Variants in BPTF observed in about 807,000 individuals in gnomAD.
The protein encoded by BPTF is nucleosome-remodeling factor subunit BPTF.
Under a neutral mutation model 292.5 loss-of-function variants are expected in BPTF, and 18 were observed. The observed-to-expected ratio is 0.06, with a 90% CI of 0.04 to 0.09. The LOEUF (loss-of-function observed/expected upper bound fraction) is 0.09. Ranked by LOEUF, BPTF falls within the 10% of genes least tolerant of loss-of-function variation. The probability of loss-of-function intolerance (pLI) is 1.00; values close to 1 mark genes in which losing one functional copy is unlikely to be tolerated. For synonymous variants in BPTF, 1,225 were observed against 1,251.9 expected (o/e 0.98, Z 0.45); for missense variants, 2,726 against 3,498.7 (o/e 0.78, Z 5.57).
intron 26 of BPTF, among the ~76,000 whole-genome samples, chr17:67,973,463 ATTT>A (rs1363210098): frequency 6.6e-6 from 1 of 150,950 alleles, no homozygotes. Context: ...ATGAGAGAGA[ATTT>A]TTTTTTCCAG....
rs552485995 is a variant in BPTF, at chr17:67,945,388, GT to G, written c.6701-19del. Reference sequence around the variant, plus strand: ...TTTATGTTCCAGAGTAATAGAAATGGTTCATCTTTCCTTTTTACAGGTACAG... The same window carrying G: ...TTTATGTTCCAGAGTAATAGAAATGGTCATCTTTCCTTTTTACAGGTACAG... On this transcript the variant is annotated intron_variant, in intron 20 of 27. Transcript: ENST00000306378. 860 of 1,591,938 alleles carry G rather than the reference GT, an allele frequency of 5.4e-4. 4 individuals carry two copies. The highest frequency in any genetic ancestry group is 2.8e-3 in the Admixed American group (157 of 56,738).
intron 18 of BPTF, among the ~76,000 whole-genome samples, chr17:67,937,391 A>G (rs2065000308): frequency 6.6e-6 from 1 of 152,084 alleles, no homozygotes; most frequent in Admixed American, 6.5e-5. Context: ...CAAAAAAAAA[A>G]AAGAAAGAAA....
chr17:67,879,461 A>G (rs191195844), intron 4 of BPTF, among the ~76,000 whole-genome samples: 80 of 152,198 alleles, frequency 5.3e-4, no homozygotes, highest in Middle Eastern at 3.4e-3. Context: ...TATTTCTTAA[A>G]TGTTTGCTGG....
intron 3 of BPTF, among the ~76,000 whole-genome samples, chr17:67,871,329 C>CT (rs1170119279): frequency 6.6e-6 from 1 of 151,048 alleles, no homozygotes; most frequent in Non-Finnish European, 1.5e-5. Flanking sequence ...GCAATCCTAG[C>CT]TACTCGGGAA....
At chr17:67,978,412 C>T (rs1306229409) in intron 27 of BPTF, among the ~76,000 whole-genome samples, 2 of 151,800 alleles carry the variant, frequency 1.3e-5, no homozygotes, top group African/African-American at 2.4e-5. Flanking sequence ...AATTCTGCTG[C>T]CTCAGCCTCC....
At chr17:67,924,739 A>G (rs1598699468) in intron 15 of BPTF, 150 bp downstream of exon 15, 1 of 775,388 alleles carries the variant, frequency 1.3e-6, no homozygotes, top group East Asian at 2.6e-5. Context: ...ATGCACACCC[A>G]TGCACAGTAA....
At chr17:67,849,365 G>C (rs2058244651) in intron 1 of BPTF, among the ~76,000 whole-genome samples, 1 of 152,150 alleles carries the variant, frequency 6.6e-6, no homozygotes, top group Non-Finnish European at 1.5e-5. Flanking sequence ...TAATTTAGTA[G>C]GCCTGGGCTT....
intron 2 of BPTF, among the ~76,000 whole-genome samples, chr17:67,856,182 TG>T (rs2058680423): frequency 6.6e-6 from 1 of 152,234 alleles, no homozygotes; most frequent in Admixed American, 6.5e-5. Context: ...TTTTTCTCTT[TG>T]GGGTATTTGT....
At chr17:67,871,392 G>C (rs894055602) in intron 3 of BPTF, among the ~76,000 whole-genome samples, 12 of 136,034 alleles carry the variant, frequency 8.8e-5, no homozygotes, top group Admixed American at 3.3e-4. Context: ...AGTGAGCCGA[G>C]ATCGTGCCAC....
At chr17:67,913,268 A>G in intron 11 of BPTF, 81 bp downstream of exon 11, 1 of 1,471,890 alleles carries the variant, frequency 6.8e-7, no homozygotes, top group East Asian at 2.3e-5. Flanking sequence ...TTTTTAAAAA[A>G]TGAGATAATA....
rs782703184 is a variant in BPTF at position 67,975,779 on chromosome 17, C to T, written c.8547C>T (p.Ala2849=). 6.2e-7 allele frequency: 1 copy of T among 1,608,552 alleles called. No individual in the cohort carries two copies. The highest frequency in any genetic ancestry group is 8.5e-7 in the Non-Finnish European group (1 of 1,178,434). The part of the protein sequence containing the change: ...YGVIKEPMDL[A]TMEERVQRRY... ...ACATTTTGTGTTTTTAAGACCTTGCCACCATGGAAGAAAGAGTACAAAGAC... is the reference window on the plus strand; with the variant it reads ...ACATTTTGTGTTTTTAAGACCTTGCTACCATGGAAGAAAGAGTACAAAGAC... The change falls in exon 27 of 28, where the codon GCC becomes GCT. Residue 2849 remains alanine (A), a synonymous_variant. Transcript: ENST00000306378.
In BPTF at chr17:67,912,712, A is replaced by G; in HGVS notation, c.4828A>G (p.Lys1610Glu). Residue 1610 changes from lysine to glutamate, a missense_variant, in exon 11 of 28, where the codon AAG (lysine) becomes GAG (glutamate). By Grantham distance (56) the Lys-to-Glu change is moderately conservative. Coordinates refer to ENST00000306378, the MANE Select transcript of BPTF (RefSeq NM_182641.4). ...TGTGATCAAGGTAGAAAAAGGCGATAAGCAAACTGTGGTTTCTTCCACAGA... is the reference window on the plus strand; with the variant it reads ...TGTGATCAAGGTAGAAAAAGGCGATGAGCAAACTGTGGTTTCTTCCACAGA... Reference protein sequence around the residue: ...KTVIKVEKGDKQTVVSSTENC... With the variant: ...KTVIKVEKGDEQTVVSSTENC... 6.2e-7 allele frequency: 1 copy of G among 1,614,052 alleles called. No homozygotes were observed. The highest frequency in any genetic ancestry group is 8.5e-7 in the Non-Finnish European group (1 of 1,180,036).
chr17:67,869,129 T>G (rs1209507881), intron 3 of BPTF, among the ~76,000 whole-genome samples: 1 of 152,178 alleles, frequency 6.6e-6, no homozygotes, highest in Non-Finnish European at 1.5e-5. Flanking sequence ...TTAATTTCCT[T>G]TTATGAATCA....
rs1482120013 is a variant in BPTF at position 67,938,143 on chromosome 17, T to G, written c.6260-2296T>G. ...GTCAGAAATTATTACATTTTTGAAT[T>G]TCCATTTTGATCTAAAAATAAATTG... On this transcript the variant is annotated intron_variant, in intron 18 of 27. Coordinates refer to ENST00000306378, the MANE Select transcript of BPTF (RefSeq NM_182641.4). 3.3e-5 allele frequency among the ~76,000 whole-genome samples: 5 copies of G among 152,178 alleles called. No homozygotes were observed. In the East Asian group the frequency reaches 7.7e-4, roughly 23 times the overall value.
intron 27 of BPTF, chr17:67,981,351 C>G (rs1358401865): frequency 9.1e-6 from 4 of 438,208 alleles, no homozygotes; most frequent in African/African-American, 6.6e-5. Flanking sequence ...TTTATGATCT[C>G]CAGCATTGTT....
At chr17:67,847,509 G>C (rs1272161774) in intron 1 of BPTF, among the ~76,000 whole-genome samples, 1 of 149,558 alleles carries the variant, frequency 6.7e-6, no homozygotes, top group Non-Finnish European at 1.5e-5. Context: ...GTGAGACTCC[G>C]TCTAAAAAAA....
At chr17:67,838,616 A>G (rs1180145615) in intron 1 of BPTF, among the ~76,000 whole-genome samples, 1 of 152,160 alleles carries the variant, frequency 6.6e-6, no homozygotes, top group African/African-American at 2.4e-5. Flanking sequence ...AGCTGGGACT[A>G]CAGGTGCTCG....
intron 26 of BPTF, among the ~76,000 whole-genome samples, chr17:67,967,809 ACT>A (rs1167685988): frequency 1.4e-5 from 2 of 145,148 alleles, no homozygotes; most frequent in African/African-American, 5.6e-5. Context: ...ACAGAGCGAG[ACT>A]CTGTCAAAAA....
chr17:67,877,176 A>T (rs1181553869), intron 4 of BPTF, among the ~76,000 whole-genome samples: 1 of 152,214 alleles, frequency 6.6e-6, no homozygotes, highest in African/African-American at 2.4e-5. Context: ...ACTAACGGAG[A>T]TGTATCAGTG....
Sources: allele counts gnomAD v4.1 joint callset (sites outside exome capture counted in the v4.1 genomes callset), GRCh38; gene constraint gnomAD v4.1.1; transcripts MANE v1.5; gene names NCBI Gene and HGNC (gene_info 2026-07-23, HGNC 2026-07-21).